The following TRAPPC11 variants were observed in gnomAD, a reference collection of about 807,000 sequenced individuals.
TRAPPC11 encodes the protein trafficking protein particle complex subunit 11, also known as foie gras homolog.
TRAPPC11 carries 104 observed loss-of-function variants against 151.2 expected under a neutral mutation model. That is an observed-to-expected ratio of 0.69 (90% confidence interval 0.59 to 0.81). TRAPPC11 has a LOEUF of 0.81. Among genes scored for constraint, TRAPPC11 ranks in the 30% least tolerant of loss-of-function variants. TRAPPC11 has a pLI of 0.00. For synonymous variants in TRAPPC11, 456 were observed against 472.3 expected (o/e 0.97, Z 0.45); for missense variants, 1,230 against 1,349.6 (o/e 0.91, Z 1.39).
chr4:183,684,860 A>C lies in TRAPPC11; in HGVS notation c.1567+19A>C, dbSNP rs1410762465. 2 of 1,600,262 alleles carry C rather than the reference A, an allele frequency of 1.2e-6. No individual in the cohort carries two copies. Among genetic ancestry groups the C allele is most frequent in the Non-Finnish European group, 1.7e-6 (2 of 1,173,888 alleles). ...GGTAGAGGTAACCTGATGTTTTTTG[A>C]GTAAAATTCTTGATACATAAAATTA... On this transcript the variant is annotated intron_variant, in intron 15 of 29. Transcript: ENST00000334690.
At position 183,684,119 on chromosome 4, in the gene TRAPPC11, G is replaced by A. The variant is rs762703001; in HGVS notation, c.1288-26G>A. 3.7e-6 allele frequency: 6 copies of A among 1,607,414 alleles called. No individual in the cohort carries two copies. The African/African-American group carries it at 4.0e-5, about 11-fold the overall frequency. Reference sequence around the variant, plus strand: ...TTAAGAAAAATATTTGTATTGAAATGTTTCACACTCTACTTTTTCTAATAG... The same window carrying A: ...TTAAGAAAAATATTTGTATTGAAATATTTCACACTCTACTTTTTCTAATAG... On this transcript the variant is annotated intron_variant, in intron 12 of 29. Coordinates refer to ENST00000334690, the MANE Select transcript of TRAPPC11 (RefSeq NM_021942.6).
Position 183,693,727 on chromosome 4 carries a change from C to T in TRAPPC11, c.2376C>T (p.Gly792=). The T allele has an allele frequency of 6.2e-7, 1 of 1,613,328 alleles. No homozygotes were observed. The highest frequency in any genetic ancestry group is 8.5e-7 in the Non-Finnish European group (1 of 1,179,806). ...TQIRDVKLTA[G]LKPGQDANLT... ...TCAGAGATGTGAAGCTCACCGCTGGCTTAAAACCAGGTAAGCATTCCTTTT... is the reference window on the plus strand; with the variant it reads ...TCAGAGATGTGAAGCTCACCGCTGGTTTAAAACCAGGTAAGCATTCCTTTT... Residue 792 remains glycine, a synonymous_variant, in exon 21 of 30, where the codon GGC becomes GGT. Transcript: ENST00000334690.
intron 28 of TRAPPC11, among the ~76,000 whole-genome samples, chr4:183,707,287 C>T (rs1737124405): frequency 7.9e-6 from 1 of 127,096 alleles, no homozygotes; most frequent in Non-Finnish European, 1.6e-5. Context: ...TGTGTGAGGC[C>T]TGGAGACTTC....
At chr4:183,692,518 C>A (rs1416694837) in intron 19 of TRAPPC11, among the ~76,000 whole-genome samples, 3 of 152,032 alleles carry the variant, frequency 2.0e-5, no homozygotes, top group Non-Finnish European at 4.4e-5. Context: ...TTGAATAGAT[C>A]ATGTATTCAA....
Position 183,712,818 on chromosome 4 carries a change from G to GTCT in TRAPPC11, c.*176_*178dup. On this transcript the variant is annotated 3_prime_UTR_variant, in exon 30 of 30. Coordinates refer to ENST00000334690, the MANE Select transcript of TRAPPC11 (RefSeq NM_021942.6). ...TACTTCAAAAATATTAGGAAAATCT[G>GTCT]TCTTATAGTTTCTCTAATAAATATC... The GTCT allele has an allele frequency of 1.9e-6, 1 of 513,682 alleles. No individual in the cohort carries two copies. The highest frequency in any genetic ancestry group is 3.4e-6 in the Non-Finnish European group (1 of 292,690). The allele number at this position is 513,682 out of a possible 1,614,324, so 31.8% of individuals were successfully genotyped here.
chr4:183,665,173 C>T (rs1734789885), intron 2 of TRAPPC11, among the ~76,000 whole-genome samples: 1 of 144,162 alleles, frequency 6.9e-6, no homozygotes, highest in South Asian at 2.2e-4. Context: ...CGGCTCACTG[C>T]AAGCTCCGCC....
At chr4:183,664,438 A>AT (rs1056766018) in intron 2 of TRAPPC11, among the ~76,000 whole-genome samples, 1 of 152,054 alleles carries the variant, frequency 6.6e-6, no homozygotes, top group Non-Finnish European at 1.5e-5. Flanking sequence ...AATTTCACAG[A>AT]TTTTTTGAGC....
chr4:183,693,494 C>G, intron 20 of TRAPPC11, 95 bp from the exon 21 acceptor site: 1 of 1,366,012 alleles, frequency 7.3e-7, no homozygotes, highest in South Asian at 1.5e-5. Context: ...GCCTGAGCCT[C>G]TGCACCCAGC....
chr4:183,691,299 CT>C lies in TRAPPC11; in HGVS notation c.1894-16del, dbSNP rs1186074637. 2.7e-6 allele frequency: 4 copies of C among 1,471,900 alleles called. No homozygotes were observed. Among genetic ancestry groups the C allele is most frequent in the East Asian group, 4.8e-5 (2 of 41,520 alleles). The allele number at this position is 1,471,900 out of a possible 1,614,324, so 91.2% of individuals were successfully genotyped here. A position where few individuals can be genotyped will look rare whatever the true frequency, so the allele number is the denominator to read the frequency against. On this transcript the variant is annotated splice_polypyrimidine_tract_variant and intron_variant, in intron 18 of 29. Coordinates refer to ENST00000334690, the MANE Select transcript of TRAPPC11 (RefSeq NM_021942.6). ...GCAGACATCTGACATTTGATGACCCCTGTTCACCTTTTTCAGGAATACAACC... is the reference window on the plus strand; with the variant it reads ...GCAGACATCTGACATTTGATGACCCCGTTCACCTTTTTCAGGAATACAACC...
At chr4:183,674,665 T>G (rs1735321088) in intron 5 of TRAPPC11, 48 bp from the exon 6 acceptor site, 1 of 1,154,874 alleles carries the variant, frequency 8.7e-7, no homozygotes, top group Non-Finnish European at 1.2e-6. Flanking sequence ...AAAGTTTGGT[T>G]TAAAATAATT....
intron 2 of TRAPPC11, among the ~76,000 whole-genome samples, chr4:183,665,187 T>TG (rs1490966175): frequency 1.4e-5 from 2 of 146,388 alleles, no homozygotes; most frequent in African/African-American, 5.2e-5. Flanking sequence ...CTCCGCCTCC[T>TG]GGGTTCGTGC....
rs1240744502 is a variant in TRAPPC11 at position 183,684,327 on chromosome 4, T to G, written c.1389T>G (p.Tyr463Ter). 1 of 1,613,720 alleles carries G rather than the reference T, an allele frequency of 6.2e-7. No individual in the cohort carries two copies. Among genetic ancestry groups the G allele is most frequent in the East Asian group, 2.2e-5 (1 of 44,858 alleles). The part of the protein sequence containing the change: ...SHLMVQMGEE[Y>*]YYAKDYTKAL... The stretch of plus-strand genomic sequence containing the variant: ...TAGTGGTTCAGATGGGAGAGGAATA[T>G]TATTACGCAAAGGATTATACCAAAG... The change falls in exon 14 of 30, where the codon TAT (tyrosine) becomes TAG (stop). Residue 463 changes from tyrosine (Y) to a stop codon, truncating the protein, a stop_gained. Transcript: ENST00000334690. LOFTEE classifies it high-confidence loss of function.
At chr4:183,690,182 A>C (rs1253750503) in intron 18 of TRAPPC11, among the ~76,000 whole-genome samples, 1 of 152,130 alleles carries the variant, frequency 6.6e-6, no homozygotes, top group Non-Finnish European at 1.5e-5. Context: ...CGATGGAGTG[A>C]GACTCCGTCT....
At chr4:183,676,682 C>A (rs1224524782) in intron 7 of TRAPPC11, among the ~76,000 whole-genome samples, 1 of 152,254 alleles carries the variant, frequency 6.6e-6, no homozygotes, top group Non-Finnish European at 1.5e-5. Flanking sequence ...CGAAGGACAT[C>A]TTTCCCTGCT....
intron 19 of TRAPPC11, 91 bp from the exon 20 acceptor site, chr4:183,692,869 T>C (rs1234377922): frequency 8.3e-7 from 1 of 1,199,338 alleles, no homozygotes; most frequent in East Asian, 2.4e-5. Flanking sequence ...AACTCCATGG[T>C]CTTAGCAGTC....
chr4:183,686,893 C>G, intron 18 of TRAPPC11, 145 bp downstream of exon 18: 1 of 959,124 alleles, frequency 1.0e-6, no homozygotes, highest in Non-Finnish European at 1.5e-6. Flanking sequence ...AAAAATATAT[C>G]TCCAGGGCCG....
At chr4:183,694,439 C>T (rs1391463402) in intron 22 of TRAPPC11, among the ~76,000 whole-genome samples, 165 bp from the exon 23 acceptor site, 1 of 152,150 alleles carries the variant, frequency 6.6e-6, no homozygotes, top group Non-Finnish European at 1.5e-5. Flanking sequence ...TACTCTACTA[C>T]AGTGGGAGCA....
intron 18 of TRAPPC11, 127 bp from the exon 19 acceptor site, chr4:183,691,189 T>A (rs1736239881): frequency 4.4e-6 from 3 of 680,274 alleles, no homozygotes; most frequent in South Asian, 1.1e-4. Context: ...AAAAAATACT[T>A]CCTTTTATTA....
chr4:183,707,304 C>G (rs1165650853), intron 28 of TRAPPC11, among the ~76,000 whole-genome samples: 1 of 150,402 alleles, frequency 6.6e-6, no homozygotes, highest in Non-Finnish European at 1.5e-5. Context: ...CTTCACTGTC[C>G]TAATATTAAC....
Sources: allele counts gnomAD v4.1 joint callset (sites outside exome capture counted in the v4.1 genomes callset), GRCh38; gene constraint gnomAD v4.1.1; transcripts MANE v1.5; gene names NCBI Gene and HGNC (gene_info 2026-07-23, HGNC 2026-07-21).